The following TULP4 variants were observed in gnomAD, a reference collection of about 807,000 sequenced individuals.
TULP4 encodes TUB like protein 4.
A neutral mutation model predicts 129.0 loss-of-function variants in TULP4; 16 were observed. That is an observed-to-expected ratio of 0.12 (90% CI 0.08 to 0.19). The LOEUF (loss-of-function observed/expected upper bound fraction) is 0.19, where lower values mean the gene tolerates loss of function less well. TULP4 is among the 10% of genes least tolerant of loss of function. The pLI, the probability that TULP4 is intolerant of heterozygous loss-of-function variation, is 1.00. For synonymous variants in TULP4, 998 were observed against 854.0 expected, an observed-to-expected ratio of 1.17 and a Z score of -2.94; for missense variants, 1,842 against 2,059.1, an observed-to-expected ratio of 0.89 and a Z score of 2.04.
intron 1 of TULP4, among the ~76,000 whole-genome samples, chr6:158,407,285 C>T (rs1236334943): frequency 6.6e-6 from 1 of 152,234 alleles, no homozygotes; most frequent in African/African-American, 2.4e-5. Flanking sequence ...TGCTCCGCAT[C>T]ATTAACCATC....
chr6:158,324,505 G>A (rs1408928327), intron 1 of TULP4, among the ~76,000 whole-genome samples: 1 of 152,174 alleles, frequency 6.6e-6, no homozygotes. Flanking sequence ...TTGAGAGCTC[G>A]CTCTAGGCTA....
At chr6:158,424,156 G>T (rs577174269) in intron 2 of TULP4, among the ~76,000 whole-genome samples, 3 of 152,250 alleles carry the variant, frequency 2.0e-5, no homozygotes, top group African/African-American at 7.2e-5. Flanking sequence ...ATAGCGGATT[G>T]GTTCCAGGAC....
rs141486561 is a variant in TULP4, at chr6:158,261,061, C to T, written n.68+28758C>T. 7.8e-3 allele frequency among the ~76,000 whole-genome samples: 1,186 copies of T among 152,040 alleles called. 8 individuals are homozygous for T. The highest frequency in any genetic ancestry group is 0.012 in the Non-Finnish European group (845 of 67,990). On this transcript the variant is annotated intron_variant and non_coding_transcript_variant, in intron 1 of 1. Transcript: ENST00000620026. ...GTTGAACTTCTGACCTCAGGTGATC[C>T]GCCCGCTTCAGCATCCCAGAGCGCT...
intron 1 of TULP4, among the ~76,000 whole-genome samples, chr6:158,334,015 C>T (rs1329383238): frequency 5.3e-5 from 8 of 152,096 alleles, no homozygotes; most frequent in African/African-American, 1.9e-4. Context: ...GCTCCAGTGT[C>T]GCGAGTATCC....
At chr6:158,245,719 G>C (rs1778016832) in intron 1 of TULP4, among the ~76,000 whole-genome samples, 1 of 152,174 alleles carries the variant, frequency 6.6e-6, no homozygotes, top group Admixed American at 6.5e-5. Flanking sequence ...TGCAGCCATT[G>C]AAAGTGATGA....
At chr6:158,420,480 T>G (rs761220289) in intron 2 of TULP4, among the ~76,000 whole-genome samples, 6 of 152,148 alleles carry the variant, frequency 3.9e-5, no homozygotes, top group Non-Finnish European at 7.4e-5. Flanking sequence ...CCTGTCTGTT[T>G]TTTGTTTTGT....
At chr6:158,437,158 A>T (rs1442294547) in intron 3 of TULP4, among the ~76,000 whole-genome samples, 2 of 152,202 alleles carry the variant, frequency 1.3e-5, no homozygotes, top group Non-Finnish European at 2.9e-5. Flanking sequence ...TATGACCTTT[A>T]TTTGCTATTT....
chr6:158,295,931 C>T (rs924685495), intron 1 of TULP4, among the ~76,000 whole-genome samples: 4 of 152,192 alleles, frequency 2.6e-5, no homozygotes, highest in Non-Finnish European at 4.4e-5. Flanking sequence ...AAGCAACACA[C>T]CTTTGTGTGC....
Position 158,502,807 on chromosome 6 carries a change from G to T in TULP4, c.3144G>T (p.Gln1048His). ...SQCSGTGPSS[Q>H]PGASLAHTAS... ...GCAGTGGCACAGGGCCCAGCTCACA[G>T]CCCGGAGCCTCCCTGGCCCATACCG... Residue 1048 changes from glutamine (Q) to histidine (H), a missense_variant, in exon 13 of 14, where the codon CAG (glutamine) becomes CAT (histidine). Transcript: ENST00000367097. The T allele has an allele frequency of 6.2e-7, 1 of 1,611,728 alleles. No individual in the cohort carries two copies. The highest frequency in any genetic ancestry group is 1.3e-5 in the African/African-American group (1 of 75,006).
rs71030166 is a variant in TULP4, at chr6:158,394,786, C to CAAAAAAAAAAAAAAAA, written c.253-18266_253-18251dup. On this transcript the variant is annotated intron_variant, in intron 1 of 13. Coordinates refer to ENST00000367097, the MANE Select transcript of TULP4 (RefSeq NM_020245.5). Reference sequence around the variant, plus strand: ...TGGGCAACTGAGCAAGGCTCTGTCTCAAAAAAAAAAAAAAAAAAAAAAAAA... The same window carrying CAAAAAAAAAAAAAAAA: ...TGGGCAACTGAGCAAGGCTCTGTCTCAAAAAAAAAAAAAAAAAAAAAAAAAAAAAAAAAAAAAAAAA... Among the ~76,000 whole-genome samples the CAAAAAAAAAAAAAAAA allele has an allele frequency of 1.5e-4, 7 of 46,016 alleles. 2 individuals carry two copies. The highest frequency in any genetic ancestry group is 4.2e-4 in the African/African-American group (4 of 9,448). 30.2% of individuals were successfully genotyped at this position (46,016 alleles called of 152,430 possible). A position where few individuals can be genotyped will look rare whatever the true frequency, so the allele number is the denominator to read the frequency against.
Position 158,461,545 on chromosome 6 carries a change from C to T in TULP4, c.860-18C>T, listed in dbSNP as rs1398432411. 5 of 1,609,974 alleles carry T rather than the reference C, an allele frequency of 3.1e-6. No homozygotes were observed. The East Asian group carries it at 1.1e-4, about 36-fold the overall frequency. On this transcript the variant is annotated intron_variant, in intron 5 of 13. Transcript: ENST00000367097. ...GGAGGGCTGTGTCCTTGTGCTGACC[C>T]TCTCTCCTCTGTTTCAGAGGTGGTA... is the stretch of plus-strand genomic sequence containing the variant.
chr6:158,486,858 C>A (rs1012520130), intron 8 of TULP4, among the ~76,000 whole-genome samples: 1 of 152,162 alleles, frequency 6.6e-6, no homozygotes, highest in African/African-American at 2.4e-5. Context: ...CCCCTGTAAT[C>A]CCAGCACTTT....
chr6:158,403,361 C>T (rs1399588419), intron 1 of TULP4, among the ~76,000 whole-genome samples: 8 of 152,104 alleles, frequency 5.3e-5, no homozygotes, highest in South Asian at 2.1e-4. Context: ...CTTTTTGAGA[C>T]GGAGTTTCGC....
intron 1 of TULP4, among the ~76,000 whole-genome samples, chr6:158,333,902 T>A (rs961858589): frequency 6.6e-6 from 1 of 152,084 alleles, no homozygotes. Flanking sequence ...CAGACAAACA[T>A]AAAGATGTAG....
intron 1 of TULP4, among the ~76,000 whole-genome samples, chr6:158,408,914 G>A (rs1778025900): frequency 6.6e-6 from 1 of 152,242 alleles, no homozygotes; most frequent in Non-Finnish European, 1.5e-5. Context: ...AGAACAGAGT[G>A]GTGATAATCA....
intron 6 of TULP4, among the ~76,000 whole-genome samples, chr6:158,469,399 G>A (rs954464292): frequency 6.6e-6 from 1 of 151,514 alleles, no homozygotes; most frequent in African/African-American, 2.4e-5. Context: ...TCTGTCTCCC[G>A]AGTAGCTGGG....
rs367583141 is a variant in TULP4 at position 158,266,509 on chromosome 6, G to A, written n.68+34206G>A. 1.2e-4 allele frequency among the ~76,000 whole-genome samples: 19 copies of A among 152,220 alleles called. No homozygotes were observed. In the East Asian group the frequency reaches 3.3e-3, roughly 26 times the overall value. On this transcript the variant is annotated intron_variant and non_coding_transcript_variant, in intron 1 of 1. Coordinates refer to the TULP4 transcript ENST00000620026. The stretch of plus-strand genomic sequence containing the variant: ...GGGCTCTAGCAATCTGCCCATCTTG[G>A]CCTCCCAAAATGCTGGGATTATAGG...
chr6:158,403,711 CTGCT>C (rs1237659857), intron 1 of TULP4, among the ~76,000 whole-genome samples: 1 of 152,146 alleles, frequency 6.6e-6, no homozygotes, highest in African/African-American at 2.4e-5. Context: ...CTAATTAGCC[CTGCT>C]TAACTAGTAT....
chr6:158,380,644 A>C (rs1229364977), intron 1 of TULP4, among the ~76,000 whole-genome samples: 3 of 151,968 alleles, frequency 2.0e-5, no homozygotes, highest in African/African-American at 7.3e-5. Flanking sequence ...CCTGTATCCC[A>C]GCACTTTGGG....
Sources: gnomAD v4.1 joint callset for allele counts (sites outside exome capture counted in the v4.1 genomes callset) on GRCh38, gnomAD v4.1.1 for gene constraint, MANE v1.5 for transcripts, NCBI Gene and HGNC (gene_info 2026-07-23, HGNC 2026-07-21) for gene names.